The following ZSWIM6 variants were observed in gnomAD, a reference collection of about 807,000 sequenced individuals.
The protein encoded by ZSWIM6 is zinc finger SWIM domain-containing protein 6.
In ZSWIM6, 9 loss-of-function variants were observed where a neutral mutation model predicts 113.2. The ratio of observed to expected loss-of-function variants is 0.08; its 90% CI spans 0.05 to 0.14. The LOEUF (loss-of-function observed/expected upper bound fraction) is 0.14, where lower values mean the gene tolerates loss of function less well. ZSWIM6 is among the 10% of genes least tolerant of loss of function. The probability of loss-of-function intolerance (pLI) is 1.00; values close to 1 mark genes in which losing one functional copy is unlikely to be tolerated. For synonymous variants in ZSWIM6, 611 were observed against 606.5 expected, an observed-to-expected ratio of 1.01 and a Z score of -0.11; for missense variants, 1,162 against 1,552.2, an observed-to-expected ratio of 0.75 and a Z score of 4.22.
At chr5:61,478,115 GTA>G (rs1305459367) in intron 2 of ZSWIM6, among the ~76,000 whole-genome samples, 1 of 152,100 alleles carries the variant, frequency 6.6e-6, no homozygotes, top group Non-Finnish European at 1.5e-5. Flanking sequence ...CCTTTCTATT[GTA>G]TAATAGAACA....
intron 5 of ZSWIM6, 89 bp downstream of exon 5, chr5:61,521,531 A>G: frequency 8.9e-7 from 1 of 1,124,348 alleles, no homozygotes. Flanking sequence ...ATATGGGAAA[A>G]TGATTTTACC....
chr5:61,337,814 T>A (rs1342489029), intron 1 of ZSWIM6, among the ~76,000 whole-genome samples: 1 of 152,214 alleles, frequency 6.6e-6, no homozygotes, highest in Non-Finnish European at 1.5e-5. Context: ...AAGTGAATGG[T>A]CAAGGTTTTT....
At chr5:61,417,696 A>T (rs1402125890) in intron 1 of ZSWIM6, among the ~76,000 whole-genome samples, 1 of 152,224 alleles carries the variant, frequency 6.6e-6, no homozygotes, top group Non-Finnish European at 1.5e-5. Context: ...AAATTTGTAC[A>T]GTTAAGGACT....
At chr5:61,467,309 A>G (rs1292160119) in intron 1 of ZSWIM6, among the ~76,000 whole-genome samples, 2 of 152,200 alleles carry the variant, frequency 1.3e-5, no homozygotes, top group African/African-American at 2.4e-5. Flanking sequence ...AGTTCTCAAA[A>G]CAAAATATTT....
intron 4 of ZSWIM6, among the ~76,000 whole-genome samples, chr5:61,516,244 C>T (rs1339797622): frequency 6.7e-6 from 1 of 148,210 alleles, no homozygotes; most frequent in Non-Finnish European, 1.5e-5. Context: ...TTCATCTCTT[C>T]CCTCTCTCTT....
At chr5:61,342,433 A>G (rs377423664) in intron 1 of ZSWIM6, among the ~76,000 whole-genome samples, 19 of 152,312 alleles carry the variant, frequency 1.2e-4, no homozygotes, top group East Asian at 5.8e-4. Flanking sequence ...GTTAGGGACC[A>G]TTATTGTTTC....
chr5:61,339,688 C>T (rs1254808243), intron 1 of ZSWIM6, among the ~76,000 whole-genome samples: 3 of 152,080 alleles, frequency 2.0e-5, no homozygotes, highest in Non-Finnish European at 2.9e-5. Flanking sequence ...ATCTTAGAAA[C>T]AAAGCGGGTT....
chr5:61,479,027 C>T (rs1436392334), intron 2 of ZSWIM6, among the ~76,000 whole-genome samples: 1 of 151,834 alleles, frequency 6.6e-6, no homozygotes, highest in Admixed American at 6.6e-5. Context: ...AAAAATTAGT[C>T]GGGCATGGTG....
intron 1 of ZSWIM6, chr5:61,375,202 C>T: frequency 1.2e-6 from 2 of 1,613,182 alleles, no homozygotes; most frequent in Non-Finnish European, 1.7e-6. Flanking sequence ...GCCAACAATA[C>T]AGGATTATCT....
At chr5:61,449,940 A>C (rs2112156473) in intron 1 of ZSWIM6, among the ~76,000 whole-genome samples, 1 of 152,338 alleles carries the variant, frequency 6.6e-6, no homozygotes, top group East Asian at 1.9e-4. Flanking sequence ...CCTCACTGCC[A>C]GCTTAACCAG....
intron 1 of ZSWIM6, among the ~76,000 whole-genome samples, chr5:61,380,765 G>C (rs1745456957): frequency 6.6e-6 from 1 of 152,168 alleles, no homozygotes. Flanking sequence ...TTTTATGCCA[G>C]AGATTGCTAA....
chr5:61,344,868 C>T (rs1229611373), intron 1 of ZSWIM6, among the ~76,000 whole-genome samples: 1 of 152,166 alleles, frequency 6.6e-6, no homozygotes, highest in South Asian at 2.1e-4. Flanking sequence ...ATATTCTGTG[C>T]TGTGGTACTC....
chr5:61,375,645 CAA>C (rs955856978), intron 1 of ZSWIM6: 2 of 1,542,094 alleles, frequency 1.3e-6, no homozygotes, highest in African/African-American at 2.8e-5. Flanking sequence ...AAGGACTCAG[CAA>C]AAAGAGAAAG....
intron 1 of ZSWIM6, chr5:61,375,415 G>A: frequency 2.0e-6 from 3 of 1,511,722 alleles, no homozygotes; most frequent in South Asian, 1.2e-5. Flanking sequence ...GAAGAAATCT[G>A]GTAGGTATTC....
At chr5:61,516,722 C>A (rs924519547) in intron 4 of ZSWIM6, among the ~76,000 whole-genome samples, 1 of 151,722 alleles carries the variant, frequency 6.6e-6, no homozygotes, top group African/African-American at 2.4e-5. Flanking sequence ...AATCTATTTA[C>A]TGAGATATTT....
chr5:61,372,012 A>ATT (rs77152650), intron 1 of ZSWIM6, among the ~76,000 whole-genome samples: 83 of 148,404 alleles, frequency 5.6e-4, no homozygotes, highest in Middle Eastern at 7.2e-3. Context: ...TACAGAAGAG[A>ATT]TTTTTTTTTT....
intron 4 of ZSWIM6, among the ~76,000 whole-genome samples, chr5:61,519,427 GAA>G (rs918324463): frequency 2.6e-5 from 4 of 151,962 alleles, no homozygotes; most frequent in Admixed American, 6.6e-5. Context: ...AATGCTAGGA[GAA>G]AAAAAAGAAG....
At chr5:61,540,724 AAG>A (rs72335628) in intron 12 of ZSWIM6, among the ~76,000 whole-genome samples, 26,144 of 151,974 alleles carry the variant, frequency 0.17, 2,398 homozygotes, top group Non-Finnish European at 0.21. Flanking sequence ...GTGATGCAGA[AAG>A]AACCATTAAC....
intron 1 of ZSWIM6, among the ~76,000 whole-genome samples, chr5:61,416,013 C>T (rs571512602): frequency 1.3e-5 from 2 of 152,202 alleles, no homozygotes; most frequent in Admixed American, 6.5e-5. Flanking sequence ...AAGTGTGGAT[C>T]GTAATCTAAA....
Sources: gnomAD v4.1 joint callset for allele counts (sites outside exome capture counted in the v4.1 genomes callset) on GRCh38, gnomAD v4.1.1 for gene constraint, MANE v1.5 for transcripts, NCBI Gene and HGNC (gene_info 2026-07-23, HGNC 2026-07-21) for gene names.